Variants in BICC1 observed in about 807,000 individuals in gnomAD.
The protein encoded by BICC1 is protein bicaudal C homolog 1.
A neutral mutation model predicts 111.0 loss-of-function variants in BICC1; 43 were observed. The ratio of observed to expected loss-of-function variants is 0.39; its 90% CI spans 0.30 to 0.50. BICC1 has a LOEUF of 0.50. BICC1 is among the 20% of genes least tolerant of loss of function. The pLI is 0.88. For missense variants in BICC1, 1,091 were observed against 1,203.2 expected (o/e 0.91, Z 1.38); for synonymous variants, 467 against 434.4 (o/e 1.07, Z -0.93).
intron 1 of BICC1, among the ~76,000 whole-genome samples, chr10:58,619,366 A>G (rs1400442663): frequency 6.6e-6 from 1 of 152,214 alleles, no homozygotes; most frequent in African/African-American, 2.4e-5. Context: ...ACACATTTCT[A>G]TAAAAATAGA....
chr10:58,824,182 T>C, intron 20 of BICC1: 1 of 752,770 alleles, frequency 1.3e-6, no homozygotes, highest in Non-Finnish European at 1.6e-6. Flanking sequence ...AGGCCAGTGC[T>C]CAGGGCATTG....
At chr10:58,564,749 T>C (rs926432764) in intron 1 of BICC1, among the ~76,000 whole-genome samples, 4 of 152,200 alleles carry the variant, frequency 2.6e-5, no homozygotes, top group African/African-American at 7.2e-5. Context: ...ATGAATTTGG[T>C]AAATATGGTT....
chr10:58,704,780 G>C (rs1564564928), intron 3 of BICC1, among the ~76,000 whole-genome samples: 1 of 152,142 alleles, frequency 6.6e-6, no homozygotes, highest in Non-Finnish European at 1.5e-5. Flanking sequence ...TAATCCCCAG[G>C]CTGAGCTAGA....
At chr10:58,681,704 C>T (rs1839527075) in intron 2 of BICC1, among the ~76,000 whole-genome samples, 1 of 151,994 alleles carries the variant, frequency 6.6e-6, no homozygotes, top group South Asian at 2.1e-4. Context: ...AGCCGTGGAC[C>T]CTCGCGGTGA....
At chr10:58,780,805 T>C (rs1045877801) in intron 3 of BICC1, among the ~76,000 whole-genome samples, 1 of 152,120 alleles carries the variant, frequency 6.6e-6, no homozygotes. Context: ...ATTCTTACAA[T>C]AGAGTAAGGT....
intron 1 of BICC1, among the ~76,000 whole-genome samples, chr10:58,581,568 T>C (rs2132011918): frequency 6.6e-6 from 1 of 152,244 alleles, no homozygotes; most frequent in Non-Finnish European, 1.5e-5. Context: ...GTTAGAAATA[T>C]TTAGGTGTTG....
At chr10:58,791,525 C>T (rs1024748219) in intron 8 of BICC1, among the ~76,000 whole-genome samples, 10 of 152,276 alleles carry the variant, frequency 6.6e-5, no homozygotes, top group Middle Eastern at 3.4e-3. Flanking sequence ...ATCACAAGGT[C>T]AGGAGTTCAA....
chr10:58,822,836 T>G (rs1013501260), intron 20 of BICC1, among the ~76,000 whole-genome samples: 2 of 152,186 alleles, frequency 1.3e-5, no homozygotes, highest in Non-Finnish European at 2.9e-5. Context: ...CTGGGCAGTC[T>G]GAACTCACAT....
At chr10:58,663,131 A>G (rs1171478270) in intron 2 of BICC1, among the ~76,000 whole-genome samples, 5 of 137,936 alleles carry the variant, frequency 3.6e-5, no homozygotes, top group African/African-American at 1.1e-4. Context: ...CAGTGGCACT[A>G]TCTCGGCTCA....
At chr10:58,583,853 T>C (rs1256810544) in intron 1 of BICC1, among the ~76,000 whole-genome samples, 1 of 152,146 alleles carries the variant, frequency 6.6e-6, no homozygotes, top group East Asian at 1.9e-4. Context: ...TCCACACTGT[T>C]TTCTACAGTG....
intron 18 of BICC1, among the ~76,000 whole-genome samples, chr10:58,816,967 A>T (rs1844114125): frequency 6.6e-6 from 1 of 152,108 alleles, no homozygotes; most frequent in Admixed American, 6.6e-5. Context: ...TTTTTGTCCT[A>T]AATTAAATCC....
At chr10:58,526,949 G>A (rs1842559481) in intron 1 of BICC1, among the ~76,000 whole-genome samples, 1 of 152,162 alleles carries the variant, frequency 6.6e-6, no homozygotes, top group African/African-American at 2.4e-5. Context: ...ACCCAGTAAT[G>A]GGATTGCTGG....
intron 3 of BICC1, among the ~76,000 whole-genome samples, chr10:58,709,647 T>G (rs750903269): frequency 6.6e-6 from 1 of 152,218 alleles, no homozygotes; most frequent in South Asian, 2.1e-4. Flanking sequence ...AGGTGTGTCA[T>G]GTAGGAAAAA....
chr10:58,602,960 C>T (rs535717159), intron 1 of BICC1, among the ~76,000 whole-genome samples: 5 of 152,252 alleles, frequency 3.3e-5, no homozygotes, highest in African/African-American at 1.2e-4. Context: ...CCACTGGACA[C>T]CTGCTGATTT....
intron 3 of BICC1, among the ~76,000 whole-genome samples, chr10:58,750,417 C>T (rs572116790): frequency 6.6e-6 from 1 of 152,180 alleles, no homozygotes; most frequent in Non-Finnish European, 1.5e-5. Context: ...AAAAAAAATG[C>T]CACTGTTAAA....
intron 1 of BICC1, among the ~76,000 whole-genome samples, chr10:58,584,197 T>C (rs1050339791): frequency 2.0e-5 from 3 of 152,212 alleles, no homozygotes; most frequent in East Asian, 1.9e-4. Context: ...AACCAGATTT[T>C]ATAGCTTTCC....
intron 1 of BICC1, among the ~76,000 whole-genome samples, chr10:58,601,920 A>G (rs1845054536): frequency 6.6e-6 from 1 of 152,144 alleles, no homozygotes. Context: ...AAAATTAGAA[A>G]GATATTCTAG....
At chr10:58,637,049 A>G (rs757954958) in intron 2 of BICC1, among the ~76,000 whole-genome samples, 32 of 151,736 alleles carry the variant, frequency 2.1e-4, no homozygotes, top group African/African-American at 4.4e-4. Flanking sequence ...ATTTTTGGCA[A>G]TTTGTCTCAG....
At chr10:58,571,993 A>G (rs1843968111) in intron 1 of BICC1, among the ~76,000 whole-genome samples, 1 of 152,108 alleles carries the variant, frequency 6.6e-6, no homozygotes, top group Non-Finnish European at 1.5e-5. Context: ...TCTCGCAAGC[A>G]TCTTGTTGCT....
Sources: gnomAD v4.1 joint callset for allele counts (sites outside exome capture counted in the v4.1 genomes callset) on GRCh38, gnomAD v4.1.1 for gene constraint, MANE v1.5 for transcripts, NCBI Gene and HGNC (gene_info 2026-07-23, HGNC 2026-07-21) for gene names.